PLA2R1: variants seen among roughly 807,000 people sequenced by gnomAD.
PLA2R1 encodes phospholipase A2 receptor 1.
PLA2R1 carries 158 observed loss-of-function variants against 195.9 expected under a neutral mutation model. The observed-to-expected ratio is 0.81, with a 90% CI of 0.71 to 0.92. PLA2R1 has a LOEUF of 0.92. Among genes scored for constraint, PLA2R1 ranks in the 40% least tolerant of loss-of-function variants. The pLI, the probability that PLA2R1 is intolerant of heterozygous loss-of-function variation, is 0.00. For synonymous variants in PLA2R1, 586 were observed against 598.2 expected (o/e 0.98, Z 0.30); for missense variants, 1,626 against 1,764.6 (o/e 0.92, Z 1.41).
At chr2:159,973,200 G>A (rs185955985) in intron 17 of PLA2R1, among the ~76,000 whole-genome samples, 9 of 152,124 alleles carry the variant, frequency 5.9e-5, no homozygotes, top group African/African-American at 1.7e-4. Context: ...ATTCCAGCAG[G>A]ACGTTCTTAG....
intron 20 of PLA2R1, among the ~76,000 whole-genome samples, chr2:159,961,618 C>T (rs187913060): frequency 3.9e-5 from 6 of 152,270 alleles, no homozygotes; most frequent in African/African-American, 1.4e-4. Flanking sequence ...TCAGAAGGCG[C>T]CTCCCCTCCC....
At chr2:159,962,845 G>GAGCTAACAATGAGAAC (rs1553835181) in intron 20 of PLA2R1, among the ~76,000 whole-genome samples, 103 of 152,138 alleles carry the variant, frequency 6.8e-4, no homozygotes, top group Admixed American at 1.6e-3. Context: ...AGAACACATG[G>GAGCTAACAATGAGAAC]ACATAGGGAG....
At chr2:159,966,601 T>C (rs565361772) in intron 20 of PLA2R1, among the ~76,000 whole-genome samples, 24 of 152,316 alleles carry the variant, frequency 1.6e-4, no homozygotes, top group African/African-American at 4.1e-4. Flanking sequence ...GGGTACTCAA[T>C]GAATGTGTGA....
In PLA2R1 at chr2:160,062,390, G is replaced by T; in HGVS notation, c.14C>A (p.Pro5Gln). The stretch of plus-strand genomic sequence containing the variant: ...CAGCAGCAGCAGCAGCAGCAGCGAC[G>T]GCGACAGCAGCATCGCTAACCACTG... The part of the protein sequence containing the change: MLLS[P>Q]SLLLLLLLGA... The change falls in exon 1 of 30, where the codon CCG becomes CAG. Residue 5 changes from proline to glutamine, a missense_variant. Coordinates refer to ENST00000283243, the MANE Select transcript of PLA2R1 (RefSeq NM_007366.5). 6.5e-7 allele frequency: 1 copy of T among 1,540,368 alleles called. No individual in the cohort carries two copies. Among genetic ancestry groups the T allele is most frequent in the African/African-American group, 1.4e-5 (1 of 71,440 alleles).
chr2:159,958,693 T>C (rs1039452344), intron 20 of PLA2R1, among the ~76,000 whole-genome samples: 6 of 152,176 alleles, frequency 3.9e-5, no homozygotes, highest in African/African-American at 1.4e-4. Context: ...GCTCAGTGGT[T>C]CTCCAACAGG....
At chr2:159,960,045 G>A (rs1376901878) in intron 20 of PLA2R1, among the ~76,000 whole-genome samples, 1 of 152,048 alleles carries the variant, frequency 6.6e-6, no homozygotes, top group Non-Finnish European at 1.5e-5. Flanking sequence ...CCCATCAAGG[G>A]TTTCCCACTG....
chr2:159,963,797 C>T (rs984838596), intron 20 of PLA2R1, among the ~76,000 whole-genome samples: 4 of 152,124 alleles, frequency 2.6e-5, no homozygotes, highest in African/African-American at 7.2e-5. Flanking sequence ...ATGGTTTGGT[C>T]GCTGTGGAAG....
At chr2:159,973,892 T>G (rs1689359732) in intron 17 of PLA2R1, among the ~76,000 whole-genome samples, 1 of 152,202 alleles carries the variant, frequency 6.6e-6, no homozygotes, top group East Asian at 1.9e-4. Flanking sequence ...TTTGTCTGAT[T>G]TGAGGTCAGA....
chr2:160,058,551 C>T (rs1277467500), intron 1 of PLA2R1, among the ~76,000 whole-genome samples: 1 of 150,724 alleles, frequency 6.6e-6, no homozygotes, highest in African/African-American at 2.5e-5. Context: ...AGCTTCAAAA[C>T]CCTTTTACTT....
intron 13 of PLA2R1, among the ~76,000 whole-genome samples, chr2:159,981,704 C>G (rs1689966600): frequency 6.6e-6 from 1 of 152,104 alleles, no homozygotes; most frequent in Admixed American, 6.6e-5. Context: ...TGCACCCAGT[C>G]AAGAATTTTT....
intron 9 of PLA2R1, among the ~76,000 whole-genome samples, chr2:160,016,030 T>C (rs2715942): frequency 0.72 from 109,738 of 151,590 alleles, 40,174 homozygotes; most frequent in East Asian, 0.87. Flanking sequence ...TTTGGGAGGC[T>C]GAGGCAGTAG....
In PLA2R1 at chr2:160,042,863, G is replaced by C. The variant is rs1218170848; in HGVS notation, c.494-665C>G. Among the ~76,000 whole-genome samples the C allele has an allele frequency of 5.9e-5, 3 of 51,142 alleles. No homozygotes were observed. In the East Asian group the frequency reaches 1.3e-3, roughly 23 times the overall value. The allele number at this position is 51,142 out of a possible 152,430, so 33.6% of individuals were successfully genotyped here. ...TGTGTATGTGTGAGACAGAGGGAGA[G>C]AGAGAGAGAGAGAGAAAGTGAGAGA... On this transcript the variant is annotated intron_variant, in intron 2 of 29. Coordinates refer to ENST00000283243, the MANE Select transcript of PLA2R1 (RefSeq NM_007366.5).
At chr2:160,003,050 A>T (rs375589521) in intron 11 of PLA2R1, among the ~76,000 whole-genome samples, 1 of 152,022 alleles carries the variant, frequency 6.6e-6, no homozygotes, top group Non-Finnish European at 1.5e-5. Context: ...ATTGGCAGGG[A>T]AACAGAAAAT....
intron 28 of PLA2R1, 57 bp from the exon 29 acceptor site, chr2:159,942,216 G>C (rs1687125269): frequency 3.0e-6 from 4 of 1,318,832 alleles, no homozygotes; most frequent in Middle Eastern, 2.5e-4. Context: ...GCAAAAATAT[G>C]TCATTACTTA....
intron 17 of PLA2R1, among the ~76,000 whole-genome samples, chr2:159,974,503 T>C (rs1301457431): frequency 2.0e-5 from 3 of 152,316 alleles, no homozygotes; most frequent in South Asian, 2.1e-4. Flanking sequence ...ATACTTTGCA[T>C]GCGTATGGAT....
chr2:159,944,406 G>T (rs779300304), intron 28 of PLA2R1, among the ~76,000 whole-genome samples: 2 of 151,802 alleles, frequency 1.3e-5, no homozygotes, highest in Non-Finnish European at 2.9e-5. Context: ...TAAAATTATT[G>T]TTTTTTTTAA....
rs544401874 is a variant in PLA2R1 at position 159,947,459 on chromosome 2, A to G, written c.3810T>C (p.Ser1270=). The change falls in exon 26 of 30, where the codon AGT becomes AGC. Residue 1270 remains serine (S), a synonymous_variant. Coordinates refer to ENST00000283243, the MANE Select transcript of PLA2R1 (RefSeq NM_007366.5). The stretch of plus-strand genomic sequence containing the variant: ...ATTCATGAGCAGCCTCAAAACTCAT[A>G]CTGTCTAGGACTGTAGAAAAACTGT... ...NCYSFSTVLD[S]MSFEAAHEFC... is the part of the protein sequence containing the mutation. 6.9e-6 allele frequency: 11 copies of G among 1,605,246 alleles called. No individual in the cohort carries two copies. The highest frequency in any genetic ancestry group is 2.3e-5 in the South Asian group (2 of 88,600).
intron 11 of PLA2R1, 87 bp from the exon 12 acceptor site, chr2:159,987,445 G>T: frequency 1.1e-6 from 1 of 905,914 alleles, no homozygotes; most frequent in Non-Finnish European, 1.7e-6. Flanking sequence ...TTGAATAATT[G>T]ACATCTCATA....
At chr2:160,031,139 T>C in intron 4 of PLA2R1, among the ~76,000 whole-genome samples, 1 of 152,228 alleles carries the variant, frequency 6.6e-6, no homozygotes, top group East Asian at 1.9e-4. Flanking sequence ...TTACAATCCT[T>C]CTGGAAGATA....
Sources: gnomAD v4.1 joint callset for allele counts (sites outside exome capture counted in the v4.1 genomes callset) on GRCh38, gnomAD v4.1.1 for gene constraint, MANE v1.5 for transcripts, NCBI Gene and HGNC (gene_info 2026-07-23, HGNC 2026-07-21) for gene names.